The following NR3C2 variants were observed in gnomAD, a reference collection of about 807,000 sequenced individuals.
The protein encoded by NR3C2 is mineralocorticoid receptor.
Under a neutral mutation model 86.4 loss-of-function variants are expected in NR3C2, and 15 were observed. The observed-to-expected ratio is 0.17, with a 90% CI of 0.12 to 0.27. The LOEUF (loss-of-function observed/expected upper bound fraction) is 0.27, where lower values mean the gene tolerates loss of function less well. Among genes scored for constraint, NR3C2 ranks in the 10% least tolerant of loss-of-function variants. The pLI is 1.00. For missense variants in NR3C2, 960 were observed against 1,195.6 expected, an observed-to-expected ratio of 0.80 and a Z score of 2.91; for synonymous variants, 458 against 450.5, an observed-to-expected ratio of 1.02 and a Z score of -0.21.
chr4:148,439,093 A>G (rs1467181106), intron 1 of NR3C2, among the ~76,000 whole-genome samples: 1 of 152,238 alleles, frequency 6.6e-6, no homozygotes, highest in Non-Finnish European at 1.5e-5. Flanking sequence ...AAAGCCAAGT[A>G]AAAGCTGATA....
At chr4:148,320,881 G>C (rs1390253692) in intron 2 of NR3C2, among the ~76,000 whole-genome samples, 6 of 149,130 alleles carry the variant, frequency 4.0e-5, no homozygotes, top group Non-Finnish European at 5.9e-5. Flanking sequence ...ATTTCCTTCA[G>C]TTCTGCTCTG....
intron 3 of NR3C2, among the ~76,000 whole-genome samples, chr4:148,251,257 C>T (rs375152923): frequency 6.6e-6 from 1 of 152,178 alleles, no homozygotes; most frequent in Admixed American, 6.5e-5. Flanking sequence ...CCGCACCCAA[C>T]ACAGTCTCCA....
At position 148,230,034 on chromosome 4, in the gene NR3C2, T is replaced by TG. The variant is rs149240242; in HGVS notation, c.1897+29943dup. On this transcript the variant is annotated intron_variant, in intron 3 of 8. Coordinates refer to ENST00000358102, the MANE Select transcript of NR3C2 (RefSeq NM_000901.5). The stretch of plus-strand genomic sequence containing the variant: ...GTCAAAGGTTTCCTGAGACCTTCTG[T>TG]GGGGGTGGGAAAGCTGTCCTTCTTT... Among the ~76,000 whole-genome samples the TG allele has an allele frequency of 7.6e-3, 1,155 of 152,196 alleles. 10 individuals carry two copies. Among genetic ancestry groups the TG allele is most frequent in the African/African-American group, 0.025 (1,030 of 41,518 alleles).
At chr4:148,430,251 G>A (rs1202026147) in intron 2 of NR3C2, among the ~76,000 whole-genome samples, 1 of 152,082 alleles carries the variant, frequency 6.6e-6, no homozygotes, top group East Asian at 1.9e-4. Context: ...CTGAAACCAT[G>A]GCTTTTATCT....
rs539642641 is a variant in NR3C2, at chr4:148,260,096, A to T, written c.1779T>A (p.Ser593=). The T allele has an allele frequency of 1.1e-5, 17 of 1,614,104 alleles. No individual in the cohort carries two copies. In the African/African-American group the frequency reaches 1.6e-4, roughly 15 times the overall value. ...NVSSSTLRSV[S]TGSSRPSKIC... ...TTTTTGAAGGTCTTGAAGATCCAGT[A>T]GAAACACTTCGTAAAGTAGAGCTGG... is the stretch of plus-strand genomic sequence containing the variant. The change falls in exon 3 of 9, where the codon TCT becomes TCA. Residue 593 remains serine (S), a synonymous_variant. Coordinates refer to ENST00000358102, the MANE Select transcript of NR3C2 (RefSeq NM_000901.5).
intron 2 of NR3C2, among the ~76,000 whole-genome samples, chr4:148,350,090 C>G (rs1439778607): frequency 2.0e-5 from 3 of 152,148 alleles, no homozygotes. Flanking sequence ...GTGCTTTATG[C>G]TCAGTGCCTC....
intron 6 of NR3C2, among the ~76,000 whole-genome samples, chr4:148,144,437 C>G (rs1371454035): frequency 1.3e-5 from 2 of 152,172 alleles, no homozygotes; most frequent in African/African-American, 4.8e-5. Context: ...AAGCATTCCT[C>G]CTGCCTCAGC....
chr4:148,155,046 A>G, intron 4 of NR3C2, 145 bp from the exon 5 acceptor site: 3 of 691,010 alleles, frequency 4.3e-6, no homozygotes, highest in Non-Finnish European at 7.5e-6. Context: ...GAGAAAATAT[A>G]TAAAGCTCAA....
At position 148,185,867 on chromosome 4, in the gene NR3C2, C is replaced by T. The variant is rs558635638; in HGVS notation, c.2014+8879G>A. Among the ~76,000 whole-genome samples, 27 of 152,106 alleles carry T rather than the reference C, an allele frequency of 1.8e-4. No individual in the cohort carries two copies. In the East Asian group the frequency reaches 3.7e-3, roughly 21 times the overall value. On this transcript the variant is annotated intron_variant, in intron 4 of 8. Coordinates refer to ENST00000358102, the MANE Select transcript of NR3C2 (RefSeq NM_000901.5). ...AAGAGTATTCTGTAATTTATTTAATCCATCCTCAACAGATGAATATTTAAT... is the reference window on the plus strand; with the variant it reads ...AAGAGTATTCTGTAATTTATTTAATTCATCCTCAACAGATGAATATTTAAT...
intron 3 of NR3C2, among the ~76,000 whole-genome samples, chr4:148,231,567 G>C (rs1272658120): frequency 6.6e-6 from 1 of 152,200 alleles, no homozygotes; most frequent in African/African-American, 2.4e-5. Flanking sequence ...CCTTCAGTGA[G>C]TAATAATCTT....
At chr4:148,213,075 TG>T (rs1394701559) in intron 3 of NR3C2, among the ~76,000 whole-genome samples, 1 of 151,438 alleles carries the variant, frequency 6.6e-6, no homozygotes, top group African/African-American at 2.4e-5. Context: ...ATCTTTCATC[TG>T]AACCTTAAAG....
At chr4:148,394,656 C>A (rs572069712) in intron 2 of NR3C2, among the ~76,000 whole-genome samples, 1 of 152,186 alleles carries the variant, frequency 6.6e-6, no homozygotes, top group African/African-American at 2.4e-5. Flanking sequence ...TGCATCACTG[C>A]ACTTCGACCT....
chr4:148,115,475 G>A (rs1235780513), intron 7 of NR3C2, among the ~76,000 whole-genome samples: 2 of 152,136 alleles, frequency 1.3e-5, no homozygotes, highest in African/African-American at 4.8e-5. Flanking sequence ...TTCTGATTTT[G>A]AAACTGCTCT....
In NR3C2 at chr4:148,435,771, T is replaced by A. The variant is rs558132922; in HGVS notation, c.1090A>T (p.Thr364Ser). The A allele has an allele frequency of 3.7e-6, 6 of 1,614,182 alleles. No individual in the cohort carries two copies. The African/African-American group carries it at 5.3e-5, about 14-fold the overall frequency. The change falls in exon 2 of 9, where the codon ACG becomes TCG. Residue 364 changes from threonine to serine, a missense_variant. Thr to Ser is a moderately conservative substitution (Grantham distance 58). This residue lies in a region of NR3C2 where 680 missense variants were observed against 719.0 expected (regional missense o/e 0.95). Transcript: ENST00000358102. The part of the protein sequence containing the change: ...TLRDVVPSPD[T>S]QEKGAQEVPF... ...ACCTCTTGAGCACCTTTCTCCTGCG[T>A]GTCTGGACTGGGAACCACATCCCGC...
intron 3 of NR3C2, among the ~76,000 whole-genome samples, chr4:148,245,216 T>C (rs920937324): frequency 3.3e-5 from 5 of 152,222 alleles, no homozygotes; most frequent in South Asian, 4.1e-4. Context: ...TTATTTAATG[T>C]CTACAATGTG....
intron 3 of NR3C2, among the ~76,000 whole-genome samples, chr4:148,209,772 G>A (rs1009959972): frequency 7.2e-5 from 11 of 152,202 alleles, no homozygotes; most frequent in South Asian, 2.1e-4. Context: ...ACTTGCCTGC[G>A]CCTTCCTCTG....
chr4:148,112,808 C>T (rs527347473), intron 8 of NR3C2, among the ~76,000 whole-genome samples: 17 of 152,232 alleles, frequency 1.1e-4, no homozygotes, highest in Non-Finnish European at 2.4e-4. Flanking sequence ...ATTCCGCTGG[C>T]ATAATGGAAT....
chr4:148,148,912 G>T (rs34201038), intron 6 of NR3C2, among the ~76,000 whole-genome samples: 7,132 of 152,076 alleles, frequency 0.047, 273 homozygotes, highest in African/African-American at 0.1. Flanking sequence ...AATATTCCTG[G>T]AATAAATGCA....
chr4:148,321,372 G>A (rs2149953425), intron 2 of NR3C2, among the ~76,000 whole-genome samples: 1 of 151,754 alleles, frequency 6.6e-6, no homozygotes, highest in South Asian at 2.1e-4. Context: ...GGGGTGGAGA[G>A]TTCTGTAGAT....
Sources: gnomAD v4.1 joint callset for allele counts (sites outside exome capture counted in the v4.1 genomes callset) on GRCh38, gnomAD v4.1.1 for gene constraint, gnomAD v4.1.1 regional missense constraint, MANE v1.5 for transcripts, NCBI Gene and HGNC (gene_info 2026-07-23, HGNC 2026-07-21) for gene names.